Variants in JMY observed in about 807,000 individuals in gnomAD.
JMY encodes junction mediating and regulatory protein, p53 cofactor, also known as junction-mediating and -regulatory protein.
Under a neutral mutation model 103.3 loss-of-function variants are expected in JMY, and 46 were observed. The observed-to-expected ratio is 0.45, with a 90% CI of 0.35 to 0.57. The LOEUF (loss-of-function observed/expected upper bound fraction) is 0.57, where lower values mean the gene tolerates loss of function less well. JMY is among the 20% of genes least tolerant of loss of function. The pLI is 0.00. For synonymous variants in JMY, 526 were observed against 489.3 expected (o/e 1.07, Z -0.99); for missense variants, 1,238 against 1,255.2 (o/e 0.99, Z 0.21).
At chr5:79,241,526 T>C (rs1026245095) in intron 1 of JMY, among the ~76,000 whole-genome samples, 1 of 152,136 alleles carries the variant, frequency 6.6e-6, no homozygotes, top group Non-Finnish European at 1.5e-5. Context: ...AATTCCTCAG[T>C]AAGAGGTTTT....
intron 4 of JMY, 26 bp from the exon 5 acceptor site, chr5:79,300,127 T>A: frequency 6.2e-7 from 1 of 1,609,468 alleles, no homozygotes; most frequent in Non-Finnish European, 8.5e-7. Context: ...CAGCTAGAAA[T>A]TTTTTAATTT....
chr5:79,307,900 A>G (rs1464053523), intron 7 of JMY, among the ~76,000 whole-genome samples: 1 of 152,000 alleles, frequency 6.6e-6, no homozygotes, highest in Non-Finnish European at 1.5e-5. Context: ...CACCACGCCC[A>G]GCTAATTTTT....
At chr5:79,284,505 C>T in intron 2 of JMY, 4 of 1,587,728 alleles carry the variant, frequency 2.5e-6, no homozygotes, top group Non-Finnish European at 3.4e-6. Context: ...GTAAAACCAA[C>T]ACAGAACAGA....
At chr5:79,239,087 A>G (rs1009530143) in intron 1 of JMY, among the ~76,000 whole-genome samples, 1 of 152,138 alleles carries the variant, frequency 6.6e-6, no homozygotes, top group Non-Finnish European at 1.5e-5. Flanking sequence ...TTCGTAGAAT[A>G]TTAGATATTT....
intron 2 of JMY, 142 bp downstream of exon 2, chr5:79,278,225 T>C: frequency 1.4e-6 from 1 of 706,940 alleles, no homozygotes; most frequent in Non-Finnish European, 2.2e-6. Flanking sequence ...GTTTCTTGTT[T>C]GGTAGAATAG....
chr5:79,289,664 A>G (rs1285744987), intron 2 of JMY, among the ~76,000 whole-genome samples: 1 of 152,112 alleles, frequency 6.6e-6, no homozygotes, highest in African/African-American at 2.4e-5. Context: ...ATTGTTATCT[A>G]AAGTCTTTTC....
chr5:79,256,004 C>A (rs1279577911), intron 1 of JMY, among the ~76,000 whole-genome samples: 3 of 152,252 alleles, frequency 2.0e-5, no homozygotes, highest in Non-Finnish European at 2.9e-5. Context: ...CCAGCCAGGC[C>A]TGTGCCCTTC....
chr5:79,264,325 A>G (rs919953372), intron 1 of JMY, among the ~76,000 whole-genome samples: 51 of 151,314 alleles, frequency 3.4e-4, no homozygotes, highest in African/African-American at 1.2e-3. Context: ...GGGCTTAAGC[A>G]ATCCGCTGAC....
chr5:79,247,525 C>T (rs1744938386), intron 1 of JMY, among the ~76,000 whole-genome samples: 2 of 152,076 alleles, frequency 1.3e-5, no homozygotes, highest in Non-Finnish European at 2.9e-5. Context: ...CCATGTTGCC[C>T]ATGCGGGTCT....
At chr5:79,285,063 A>G in intron 2 of JMY, 1 of 590,990 alleles carries the variant, frequency 1.7e-6, no homozygotes, top group East Asian at 2.8e-5. Flanking sequence ...GATCAACCAT[A>G]AGCACTTCAG....
At chr5:79,316,958 C>T (rs938869335) in intron 10 of JMY, among the ~76,000 whole-genome samples, 4 of 150,736 alleles carry the variant, frequency 2.7e-5, no homozygotes, top group Non-Finnish European at 5.9e-5. Flanking sequence ...TCTGTAGTCC[C>T]AGTTACTCAG....
rs3081332 is a variant in JMY, at chr5:79,318,761, TAGAGAG to T, written c.*3+2488_*3+2493del. ...AAAGGAATATATATATATATATATA[TAGAGAG>T]AGAGAGAGAGAGAGAGAGAGAGAGA... On this transcript the variant is annotated intron_variant, in intron 10 of 10. Transcript: ENST00000396137. 6.0e-3 allele frequency among the ~76,000 whole-genome samples: 323 copies of T among 53,414 alleles called. 1 individual carries two copies. The highest frequency in any genetic ancestry group is 0.024 in the South Asian group (49 of 2,068). 35.0% of individuals were successfully genotyped at this position (53,414 alleles called of 152,430 possible). A position where few individuals can be genotyped will look rare whatever the true frequency, so the allele number is the denominator to read the frequency against.
Position 79,325,349 on chromosome 5 carries a change from C to T in JMY, c.*3747C>T, listed in dbSNP as rs1747601028. On this transcript the variant is annotated 3_prime_UTR_variant, in exon 11 of 11. Coordinates refer to ENST00000396137, the MANE Select transcript of JMY (RefSeq NM_152405.5). ...GGAGTTGAAATTTCATACGCTTTAC[C>T]AGGTTACTTGTAAAAAATGAACAGC... 6.6e-6 allele frequency: 1 copy of T among 152,074 alleles called. No homozygotes were observed. The highest frequency in any genetic ancestry group is 6.6e-5 in the Admixed American group (1 of 15,266). The allele number at this position is 152,074 out of a possible 1,614,324, so 9.4% of individuals were successfully genotyped here. A position where few individuals can be genotyped will look rare whatever the true frequency, so the allele number is the denominator to read the frequency against.
chr5:79,269,775 G>C (rs1289954381), intron 1 of JMY, among the ~76,000 whole-genome samples: 1 of 151,436 alleles, frequency 6.6e-6, no homozygotes, highest in Non-Finnish European at 1.5e-5. Context: ...CTGTCACCTA[G>C]GCTGGAGTGC....
chr5:79,243,295 C>T (rs987463723), intron 1 of JMY, among the ~76,000 whole-genome samples: 1 of 134,038 alleles, frequency 7.5e-6, no homozygotes, highest in African/African-American at 2.5e-5. Context: ...AGTTTTAAAA[C>T]TCAAGCCCTG....
intron 1 of JMY, among the ~76,000 whole-genome samples, chr5:79,253,769 G>A (rs536759544): frequency 4.6e-4 from 70 of 152,206 alleles, no homozygotes; most frequent in Middle Eastern, 3.4e-3. Context: ...GCAGTGGAGT[G>A]CAGGCTCAAG....
chr5:79,297,933 C>T (rs374019088), intron 4 of JMY, among the ~76,000 whole-genome samples: 13 of 152,294 alleles, frequency 8.5e-5, no homozygotes, highest in African/African-American at 3.1e-4. Flanking sequence ...TGAGTGTGTG[C>T]TGGTAGCACT....
intron 3 of JMY, among the ~76,000 whole-genome samples, 161 bp from the exon 4 acceptor site, chr5:79,290,969 A>T (rs1170826591): frequency 6.6e-6 from 1 of 152,220 alleles, no homozygotes; most frequent in Non-Finnish European, 1.5e-5. Context: ...TGGGCAACAG[A>T]GCGAGACTCC....
At position 79,314,853 on chromosome 5, in the gene JMY, T is replaced by TA. The variant is rs754101202; in HGVS notation, c.2659+3dup. On this transcript the variant is annotated splice_region_variant and intron_variant, in intron 9 of 10. Transcript: ENST00000396137. Reference sequence around the variant, plus strand: ...CTGAAGGTTTGCAGAGGAGGAGAGGTACGTCAACATATTTTCATGGTCCAT... The same window carrying TA: ...CTGAAGGTTTGCAGAGGAGGAGAGGTAACGTCAACATATTTTCATGGTCCAT... 32 of 1,542,516 alleles carry TA rather than the reference T, an allele frequency of 2.1e-5. No homozygotes were observed. The highest frequency in any genetic ancestry group is 2.3e-5 in the East Asian group (1 of 44,254).
Sources: gnomAD v4.1 joint callset for allele counts (sites outside exome capture counted in the v4.1 genomes callset) on GRCh38, gnomAD v4.1.1 for gene constraint, MANE v1.5 for transcripts, NCBI Gene and HGNC (gene_info 2026-07-23, HGNC 2026-07-21) for gene names.